Variants in MAST2 observed in about 807,000 individuals in gnomAD.
MAST2 encodes microtubule-associated serine/threonine-protein kinase 2.
A neutral mutation model predicts 147.4 loss-of-function variants in MAST2; 70 were observed. The observed-to-expected ratio is 0.47, with a 90% CI of 0.39 to 0.58. MAST2 has a LOEUF of 0.58. MAST2 is among the 20% of genes least tolerant of loss of function. MAST2 has a pLI of 0.00. For synonymous variants in MAST2, 869 were observed against 896.8 expected, an observed-to-expected ratio of 0.97 and a Z score of 0.55; for missense variants, 2,080 against 2,302.3, an observed-to-expected ratio of 0.90 and a Z score of 1.98.
intron 10 of MAST2, among the ~76,000 whole-genome samples, chr1:46,013,552 C>T (rs141600704): frequency 0.013 from 1,926 of 152,092 alleles, 29 homozygotes; most frequent in African/African-American, 0.039. Flanking sequence ...TGGTGACGCA[C>T]GCCTGTAATC....
intron 4 of MAST2, among the ~76,000 whole-genome samples, chr1:45,910,112 G>T (rs1164332179): frequency 8.5e-5 from 12 of 141,234 alleles, no homozygotes; most frequent in Non-Finnish European, 1.2e-4. Flanking sequence ...GTGTGCAGTT[G>T]TTTTTTTTTT....
intron 17 of MAST2, 115 bp downstream of exon 17, chr1:46,027,978 G>A: frequency 1.6e-6 from 2 of 1,214,518 alleles, no homozygotes; most frequent in Non-Finnish European, 2.4e-6. Context: ...GATCGCTTGA[G>A]GCCAGCCTGG....
chr1:45,855,764 CATAGGCAATCATGTCATTTTCAAAT>C (rs1645768857), intron 3 of MAST2, among the ~76,000 whole-genome samples: 1 of 152,110 alleles, frequency 6.6e-6, no homozygotes, highest in Non-Finnish European at 1.5e-5. Flanking sequence ...AGCATTTCTA[CATAGGCAATCATGTCATTTTCAAAT>C]AGGACAGTTT....
rs1042032444 is a variant in MAST2, at chr1:46,030,235, C to G, written c.2550C>G (p.Asn850Lys). Residue 850 changes from asparagine (N) to lysine (K), a missense_variant, in exon 21 of 29, where the codon AAC becomes AAG. Asn to Lys is a moderately conservative substitution (Grantham distance 94). Around this residue, in one of 4 missense-constraint regions of MAST2, gnomAD observed 1,278 missense variants for 1,304.2 expected, o/e 0.98. Coordinates refer to ENST00000361297, the MANE Select transcript of MAST2 (RefSeq NM_015112.3). Reference sequence around the variant, plus strand: ...TCTCTTCCTGCTCTCCAAGGTTCAACAAGGTGTGACTGAGGAGGCCCAGAA... The same window carrying G: ...TCTCTTCCTGCTCTCCAAGGTTCAAGAAGGTGTGACTGAGGAGGCCCAGAA... Reference protein sequence around the residue: ...RQFSSCSPRFNKVYSSMERLS... With the variant: ...RQFSSCSPRFKKVYSSMERLS... 1.9e-6 allele frequency: 3 copies of G among 1,613,964 alleles called. No individual in the cohort carries two copies. The Admixed American group carries it at 5.0e-5, about 27-fold the overall frequency.
chr1:45,846,610 A>G (rs1228389183), intron 3 of MAST2, among the ~76,000 whole-genome samples: 3 of 152,134 alleles, frequency 2.0e-5, no homozygotes, highest in Non-Finnish European at 4.4e-5. Context: ...TCACGAGGTC[A>G]GAAGTTCAAG....
chr1:45,928,659 G>A (rs957342641), intron 4 of MAST2, among the ~76,000 whole-genome samples: 8 of 150,088 alleles, frequency 5.3e-5, no homozygotes, highest in African/African-American at 2.0e-4. Context: ...ACAGCTCACT[G>A]CAACCTTGAA....
In MAST2 at chr1:46,021,971, T is replaced by TTG; in HGVS notation, c.1312_1313insTG (p.Tyr438LeufsTer5). 1 of 1,614,240 alleles carries TTG rather than the reference T, an allele frequency of 6.2e-7. No individual in the cohort carries two copies. Among genetic ancestry groups the TTG allele is most frequent in the Non-Finnish European group, 8.5e-7 (1 of 1,180,030 alleles). On this transcript the variant is annotated frameshift_variant, in exon 12 of 29. Transcript: ENST00000361297. LOFTEE classifies it high-confidence loss of function. The stretch of plus-strand genomic sequence containing the variant: ...ACAGGAGTTTGACCCTGAAGAGTTC[T>TTG]ACCACCTTTTAGAAGCAGCTGAGGG...
chr1:45,936,079 T>C (rs1656145019), intron 4 of MAST2, among the ~76,000 whole-genome samples: 1 of 152,198 alleles, frequency 6.6e-6, no homozygotes, highest in Non-Finnish European at 1.5e-5. Context: ...TTCAGCAGTG[T>C]TTTTTAATTC....
intron 3 of MAST2, among the ~76,000 whole-genome samples, chr1:45,876,107 G>C (rs1020846166): frequency 6.6e-6 from 1 of 152,210 alleles, no homozygotes; most frequent in African/African-American, 2.4e-5. Context: ...CTGTTGAGCA[G>C]TGGAGCCAAA....
intron 3 of MAST2, among the ~76,000 whole-genome samples, chr1:45,830,712 G>A (rs1644929145): frequency 6.6e-6 from 1 of 151,422 alleles, no homozygotes; most frequent in African/African-American, 2.4e-5. Flanking sequence ...GCACATCATG[G>A]GTACTTAAAG....
At chr1:46,008,946 A>G (rs149629760) in intron 9 of MAST2, among the ~76,000 whole-genome samples, 2,137 of 152,342 alleles carry the variant, frequency 0.014, 32 homozygotes, top group Non-Finnish European at 0.024. Flanking sequence ...ATGCTGAGGA[A>G]GGAAAGTAGG....
Position 46,022,896 on chromosome 1 carries a change from A to G in MAST2, c.1424-14A>G, listed in dbSNP as rs1646248265. 2.5e-6 allele frequency: 4 copies of G among 1,610,590 alleles called. No homozygotes were observed. The highest frequency in any genetic ancestry group is 2.5e-6 in the Non-Finnish European group (3 of 1,176,858). On this transcript the variant is annotated splice_polypyrimidine_tract_variant and intron_variant, in intron 12 of 28. Transcript: ENST00000361297. ...ATTGCCACGCACATTCTTCTCTTGTATCTTTGTTTCCAGAAATGGCCCAGT... is the reference window on the plus strand; with the variant it reads ...ATTGCCACGCACATTCTTCTCTTGTGTCTTTGTTTCCAGAAATGGCCCAGT...
At position 45,819,008 on chromosome 1, in the gene MAST2, C is replaced by T. The variant is rs182482530; in HGVS notation, c.178-5425C>T. On this transcript the variant is annotated intron_variant, in intron 1 of 28. Transcript: ENST00000361297. Reference sequence around the variant, plus strand: ...GTGGCTCATGCCTGTAATCCCAGCACTTTGGGAGGCTGAGGTGGGTGGATC... The same window carrying T: ...GTGGCTCATGCCTGTAATCCCAGCATTTTGGGAGGCTGAGGTGGGTGGATC... Among the ~76,000 whole-genome samples, 4 of 152,196 alleles carry T rather than the reference C, an allele frequency of 2.6e-5. No homozygotes were observed. In the East Asian group the frequency reaches 5.8e-4, roughly 22 times the overall value.
rs767005718 is a variant in MAST2 at position 46,031,558 on chromosome 1, A to G, written c.3160A>G (p.Thr1054Ala). 2.5e-6 allele frequency: 4 copies of G among 1,613,762 alleles called. No homozygotes were observed. The highest frequency in any genetic ancestry group is 3.3e-4 in the Middle Eastern group (2 of 6,058). Reference sequence around the variant, plus strand: ...CAAAGTGATCAAGTCCGCCTCAGCCACAGCCCTCTCACTCCTCATTCCTTC... The same window carrying G: ...CAAAGTGATCAAGTCCGCCTCAGCCGCAGCCCTCTCACTCCTCATTCCTTC... ...VNKVIKSASA[T>A]ALSLLIPSEH... The change falls in exon 24 of 29, where the codon ACA (threonine) becomes GCA (alanine). Residue 1054 changes from threonine to alanine, a missense_variant. Coordinates refer to ENST00000361297, the MANE Select transcript of MAST2 (RefSeq NM_015112.3). The surrounding 1 kb of genome is among the most constrained non-coding windows in gnomAD (Gnocchi z 4.1).
intron 5 of MAST2, among the ~76,000 whole-genome samples, chr1:45,980,864 CTTCCCCCAAAATAAGACCAG>C (rs1229431717): frequency 2.0e-5 from 3 of 152,142 alleles, no homozygotes; most frequent in Non-Finnish European, 2.9e-5. Flanking sequence ...CTTAATCTTC[CTTCCCCCAAAATAAGACCAG>C]TTCAAATTGT....
At chr1:45,867,048 C>T (rs956337635) in intron 3 of MAST2, among the ~76,000 whole-genome samples, 1 of 152,140 alleles carries the variant, frequency 6.6e-6, no homozygotes, top group South Asian at 2.1e-4. Context: ...CCGCACCCAG[C>T]CTATTTTGCC....
chr1:45,888,533 T>G (rs1195501744), intron 4 of MAST2, among the ~76,000 whole-genome samples: 2 of 151,596 alleles, frequency 1.3e-5, no homozygotes, highest in African/African-American at 4.9e-5. Context: ...CGGCTAATTT[T>G]TTGTGTTTTT....
intron 4 of MAST2, among the ~76,000 whole-genome samples, chr1:45,912,652 G>C: frequency 6.6e-6 from 1 of 152,230 alleles, no homozygotes. Context: ...AGAGTTGGCA[G>C]AGCCGCTGAA....
At chr1:45,842,327 C>G (rs1645302434) in intron 3 of MAST2, among the ~76,000 whole-genome samples, 2 of 152,128 alleles carry the variant, frequency 1.3e-5, no homozygotes, top group African/African-American at 4.8e-5. Context: ...ATTTACATAA[C>G]AAAATCAACC....
Sources: gnomAD v4.1 joint callset for allele counts (sites outside exome capture counted in the v4.1 genomes callset) on GRCh38, gnomAD v4.1.1 for gene constraint, gnomAD v4.1.1 regional missense constraint, Gnocchi (gnomAD v3.1) non-coding constraint, MANE v1.5 for transcripts, NCBI Gene and HGNC (gene_info 2026-07-23, HGNC 2026-07-21) for gene names.